PLCL1: variants seen among roughly 807,000 people sequenced by gnomAD.
PLCL1 encodes the protein inactive phospholipase C-like protein 1.
In PLCL1, 41 loss-of-function variants were observed where a neutral mutation model predicts 84.4. The ratio of observed to expected loss-of-function variants is 0.49; its 90% CI spans 0.38 to 0.63. The LOEUF (loss-of-function observed/expected upper bound fraction) is 0.63. Ranked by LOEUF, PLCL1 falls within the 30% of genes least tolerant of loss-of-function variation. The pLI is 0.00. For missense variants in PLCL1, 1,206 were observed against 1,367.8 expected (o/e 0.88, Z 1.87); for synonymous variants, 490 against 488.3 (o/e 1.00, Z -0.05).
chr2:197,846,955 A>C (rs1687129750), intron 1 of PLCL1, among the ~76,000 whole-genome samples: 2 of 152,112 alleles, frequency 1.3e-5, no homozygotes, highest in Admixed American at 6.6e-5. Flanking sequence ...TTTCTTTTCC[A>C]CATTTTATAA....
At chr2:197,887,518 C>G (rs982260352) in intron 1 of PLCL1, among the ~76,000 whole-genome samples, 2 of 152,132 alleles carry the variant, frequency 1.3e-5, no homozygotes, top group Non-Finnish European at 2.9e-5. Context: ...GCACTCCCCA[C>G]TGATGGTATA....
Position 197,958,216 on chromosome 2 carries a change from A to G in PLCL1, c.241-125542A>G, listed in dbSNP as rs550970875. Among the ~76,000 whole-genome samples the G allele has an allele frequency of 9.2e-5, 14 of 152,040 alleles. No individual in the cohort carries two copies. The South Asian group carries it at 2.9e-3, about 32-fold the overall frequency. On this transcript the variant is annotated intron_variant, in intron 1 of 5. Coordinates refer to ENST00000428675, the MANE Select transcript of PLCL1 (RefSeq NM_006226.4). ...GAAAACTTAAATATTCTATGAATCC[A>G]TATTATTTCTAGTTTCCTTTTGTAC...
intron 3 of PLCL1, among the ~76,000 whole-genome samples, chr2:198,089,659 T>C (rs1053988343): frequency 9.9e-5 from 15 of 152,168 alleles, no homozygotes; most frequent in African/African-American, 3.6e-4. Context: ...ATAGCCACAC[T>C]TAGTTGCAAA....
chr2:198,057,448 G>A (rs1692095270), intron 1 of PLCL1, among the ~76,000 whole-genome samples: 2 of 152,034 alleles, frequency 1.3e-5, no homozygotes, highest in African/African-American at 2.4e-5. Context: ...CACCTTTAAG[G>A]CAGGTATTGT....
At chr2:197,890,749 C>T (rs201389878) in intron 1 of PLCL1, among the ~76,000 whole-genome samples, 13 of 129,518 alleles carry the variant, frequency 1.0e-4, no homozygotes, top group African/African-American at 2.5e-4. Context: ...TATATGTATA[C>T]GTATGTATAT....
intron 1 of PLCL1, among the ~76,000 whole-genome samples, chr2:197,939,167 A>C (rs1249869669): frequency 6.6e-6 from 1 of 152,150 alleles, no homozygotes; most frequent in East Asian, 1.9e-4. Context: ...GATTACATCC[A>C]TTTAATAGTT....
chr2:197,825,472 C>A (rs1033722989), intron 1 of PLCL1, among the ~76,000 whole-genome samples: 3 of 152,180 alleles, frequency 2.0e-5, no homozygotes, highest in Non-Finnish European at 2.9e-5. Context: ...GTGTCTCCTA[C>A]CAATTCCATG....
intron 1 of PLCL1, among the ~76,000 whole-genome samples, chr2:198,055,775 T>G (rs1692056460): frequency 6.6e-6 from 1 of 152,202 alleles, no homozygotes; most frequent in Non-Finnish European, 1.5e-5. Context: ...TCCTTTTAAA[T>G]AAATGATGAA....
chr2:197,907,826 C>G (rs1688413964), intron 1 of PLCL1, among the ~76,000 whole-genome samples: 2 of 152,188 alleles, frequency 1.3e-5, no homozygotes, highest in African/African-American at 4.8e-5. Context: ...GAGAGCTAAA[C>G]TGCTAATGCC....
intron 1 of PLCL1, among the ~76,000 whole-genome samples, chr2:198,071,750 C>T (rs1169109233): frequency 6.6e-6 from 1 of 151,838 alleles, no homozygotes; most frequent in African/African-American, 2.4e-5. Context: ...TCAAATCTAT[C>T]AATCTTTTCC....
rs964190039 is a variant in PLCL1, at chr2:197,964,496, T to C, written c.241-119262T>C. Among the ~76,000 whole-genome samples, 3 of 152,142 alleles carry C rather than the reference T, an allele frequency of 2.0e-5. No homozygotes were observed. The East Asian group carries it at 5.8e-4, about 29-fold the overall frequency. ...TTGTTTATCAGTTCTAATAGTTTTT[T>C]GATGGAGTCTTCAGGTTTTTCTAAA... On this transcript the variant is annotated intron_variant, in intron 1 of 5. Coordinates refer to ENST00000428675, the MANE Select transcript of PLCL1 (RefSeq NM_006226.4).
intron 1 of PLCL1, among the ~76,000 whole-genome samples, chr2:197,822,501 A>G (rs1360321758): frequency 6.6e-6 from 1 of 152,174 alleles, no homozygotes; most frequent in African/African-American, 2.4e-5. Context: ...ACTATAATAA[A>G]TAACCCCTGA....
At position 198,021,161 on chromosome 2, in the gene PLCL1, C is replaced by T. The variant is rs546257757; in HGVS notation, c.241-62597C>T. Among the ~76,000 whole-genome samples the T allele has an allele frequency of 1.1e-3, 163 of 152,130 alleles. 1 individual carries two copies. Among genetic ancestry groups the T allele is most frequent in the African/African-American group, 3.8e-3 (159 of 41,502 alleles). On this transcript the variant is annotated intron_variant, in intron 1 of 5. Coordinates refer to ENST00000428675, the MANE Select transcript of PLCL1 (RefSeq NM_006226.4). ...TCCTGAATGACTACTGGGTAAATAA[C>T]GAAATTAAGGCAGAAATAAATAAGT...
Position 197,933,671 on chromosome 2 carries a change from C to G in PLCL1, c.240+128332C>G, listed in dbSNP as rs140048445. On this transcript the variant is annotated intron_variant, in intron 1 of 5. Transcript: ENST00000428675. ...TGGATAATTGAGAGCTAATGGAAGT[C>G]ATTGGAACTGGGCCTGCAGGGTGAT... Among the ~76,000 whole-genome samples, 1,003 of 152,158 alleles carry G rather than the reference C, an allele frequency of 6.6e-3. 7 individuals carry two copies. The highest frequency in any genetic ancestry group is 0.019 in the Admixed American group (294 of 15,282).
intron 1 of PLCL1, among the ~76,000 whole-genome samples, chr2:198,013,950 T>C (rs1003543842): frequency 2.0e-5 from 3 of 152,102 alleles, no homozygotes; most frequent in African/African-American, 7.2e-5. Flanking sequence ...TATAAAGTAG[T>C]GAACTCTGCG....
intron 1 of PLCL1, among the ~76,000 whole-genome samples, chr2:198,053,091 G>A (rs567676880): frequency 6.6e-6 from 1 of 152,252 alleles, no homozygotes; most frequent in Non-Finnish European, 1.5e-5. Context: ...CCTAGGTTTG[G>A]TACTTTGACC....
intron 1 of PLCL1, among the ~76,000 whole-genome samples, chr2:197,902,791 G>C (rs1258018306): frequency 6.6e-6 from 1 of 152,182 alleles, no homozygotes; most frequent in African/African-American, 2.4e-5. Flanking sequence ...TTCTAAGTGA[G>C]CTGAGAGTCT....
chr2:197,989,593 A>G (rs1391373521), intron 1 of PLCL1, among the ~76,000 whole-genome samples: 1 of 152,050 alleles, frequency 6.6e-6, no homozygotes, highest in African/African-American at 2.4e-5. Context: ...TGTTTTGGTT[A>G]CTCTGGAGGC....
chr2:197,929,402 G>A (rs946164076), intron 1 of PLCL1, among the ~76,000 whole-genome samples: 1 of 152,156 alleles, frequency 6.6e-6, no homozygotes, highest in Non-Finnish European at 1.5e-5. Flanking sequence ...ATTCTTTCCT[G>A]TTTCCACTCT....
Sources: allele counts gnomAD v4.1 joint callset (sites outside exome capture counted in the v4.1 genomes callset), GRCh38; gene constraint gnomAD v4.1.1; transcripts MANE v1.5; gene names NCBI Gene and HGNC (gene_info 2026-07-23, HGNC 2026-07-21).